The following MED12L variants were observed in gnomAD, a reference collection of about 807,000 sequenced individuals.
MED12L encodes the protein mediator of RNA polymerase II transcription subunit 12-like protein.
In MED12L, 60 loss-of-function variants were observed where a neutral mutation model predicts 281.3. That is an observed-to-expected ratio of 0.21 (90% CI 0.17 to 0.26). The LOEUF is 0.26. MED12L is among the 10% of genes least tolerant of loss of function. MED12L has a pLI of 1.00. For synonymous variants in MED12L, 974 were observed against 987.2 expected (o/e 0.99, Z 0.25); for missense variants, 2,146 against 2,680.9 (o/e 0.80, Z 4.41).
At chr3:151,276,175 A>C (rs1741821897) in intron 16 of MED12L, among the ~76,000 whole-genome samples, 1 of 152,238 alleles carries the variant, frequency 6.6e-6, no homozygotes, top group Non-Finnish European at 1.5e-5. Context: ...TGTGCAACAG[A>C]ATTACCTGGA....
At chr3:151,409,218 A>G in intron 39 of MED12L, 25 bp from the exon 40 acceptor site, 1 of 1,567,708 alleles carries the variant, frequency 6.4e-7, no homozygotes, top group East Asian at 2.2e-5. Context: ...TATGATCAAG[A>G]GTTTGCTTTG....
At chr3:151,365,519 G>T (rs1328229365) in intron 22 of MED12L, among the ~76,000 whole-genome samples, 1 of 151,922 alleles carries the variant, frequency 6.6e-6, no homozygotes, top group African/African-American at 2.4e-5. Context: ...CCGTATTTGG[G>T]TCCACCTAAA....
chr3:151,142,633 A>G (rs1717213717), intron 5 of MED12L, among the ~76,000 whole-genome samples: 1 of 152,110 alleles, frequency 6.6e-6, no homozygotes, highest in Non-Finnish European at 1.5e-5. Context: ...ATGTATTTTT[A>G]AGTGTAGATT....
intron 16 of MED12L, among the ~76,000 whole-genome samples, chr3:151,313,020 C>A (rs986405559): frequency 1.3e-5 from 2 of 152,168 alleles, no homozygotes; most frequent in South Asian, 4.1e-4. Flanking sequence ...ACTTGGAATA[C>A]AATATACTTG....
At chr3:151,375,029 T>C (rs1756656964) in intron 27 of MED12L, among the ~76,000 whole-genome samples, 1 of 152,264 alleles carries the variant, frequency 6.6e-6, no homozygotes, top group South Asian at 2.1e-4. Flanking sequence ...AGGCATGTTA[T>C]AACTATGGTA....
chr3:151,410,076 C>T (rs1338123555), intron 40 of MED12L, among the ~76,000 whole-genome samples: 1 of 152,166 alleles, frequency 6.6e-6, no homozygotes, highest in African/African-American at 2.4e-5. Flanking sequence ...AACTTACTAG[C>T]TGTGTGACAT....
chr3:151,188,360 G>T lies in MED12L; in HGVS notation c.1633G>T (p.Gly545Cys). 6.3e-7 allele frequency: 1 copy of T among 1,599,780 alleles called. No homozygotes were observed. Among genetic ancestry groups the T allele is most frequent in the South Asian group, 1.1e-5 (1 of 90,702 alleles). ...ATTTATTTTTAATCTGTAGAGATGT[G>T]GTGAATCAGAAGTCTTAGATGAGAA... is the stretch of plus-strand genomic sequence containing the variant. ...RQAEIEAERC[G>C]ESEVLDEKES... is the part of the protein sequence containing the mutation. Residue 545 changes from glycine to cysteine, a missense_variant, in exon 13 of 45, where the codon GGT becomes TGT. Around this residue, in one of 9 missense-constraint regions of MED12L, gnomAD observed 722 missense variants for 861.2 expected, o/e 0.84. Coordinates refer to ENST00000687756, the MANE Select transcript of MED12L (RefSeq NM_001393769.1).
chr3:151,425,541 A>G, intron 43 of MED12L: 1 of 425,148 alleles, frequency 2.4e-6, no homozygotes, highest in Non-Finnish European at 4.8e-6. Flanking sequence ...GCTGGGAACT[A>G]CAGTAAATAC....
intron 16 of MED12L, among the ~76,000 whole-genome samples, chr3:151,276,623 C>A (rs1429157130): frequency 6.6e-6 from 1 of 152,164 alleles, no homozygotes; most frequent in Non-Finnish European, 1.5e-5. Flanking sequence ...GAGCCTTAGG[C>A]TTAGGGAAGC....
intron 16 of MED12L, among the ~76,000 whole-genome samples, chr3:151,207,847 G>A (rs1391264815): frequency 6.6e-6 from 1 of 152,200 alleles, no homozygotes; most frequent in Non-Finnish European, 1.5e-5. Flanking sequence ...AGAGGAGACT[G>A]AGGTTTTAGT....
chr3:151,246,148 A>G (rs969212576), intron 16 of MED12L, among the ~76,000 whole-genome samples: 2 of 152,228 alleles, frequency 1.3e-5, no homozygotes, highest in African/African-American at 2.4e-5. Context: ...AGAACATTCC[A>G]TGCTCATGGG....
chr3:151,165,897 GT>G lies in MED12L; in HGVS notation c.1413del (p.Phe471LeufsTer37). 6.2e-7 allele frequency: 1 copy of G among 1,614,106 alleles called. No homozygotes were observed. Among genetic ancestry groups the G allele is most frequent in the Non-Finnish European group, 8.5e-7 (1 of 1,179,968 alleles). On this transcript the variant is annotated frameshift_variant, in exon 11 of 45. Coordinates refer to ENST00000687756, the MANE Select transcript of MED12L (RefSeq NM_001393769.1). LOFTEE classifies it high-confidence loss of function. ...LHTLEVLDRH[C>X]FDRTDSSNSM... ...ACGTTGGAAGTTTTGGATCGTCACT[GT>G]TTTGACCGAACTGATTCCAGCAATT...
At chr3:151,158,210 A>G (rs757189575) in intron 6 of MED12L, among the ~76,000 whole-genome samples, 3 of 152,146 alleles carry the variant, frequency 2.0e-5, no homozygotes, top group African/African-American at 4.8e-5. Context: ...TTAAGGTTGT[A>G]TTTTATAGAT....
chr3:151,361,260 T>C (rs1754579240), intron 21 of MED12L, among the ~76,000 whole-genome samples: 2 of 152,178 alleles, frequency 1.3e-5, no homozygotes, highest in African/African-American at 4.8e-5. Flanking sequence ...ACAATTTTGC[T>C]GTTTAGCAGG....
At chr3:151,098,147 A>T (rs937213664) in intron 2 of MED12L, among the ~76,000 whole-genome samples, 1 of 152,122 alleles carries the variant, frequency 6.6e-6, no homozygotes, top group African/African-American at 2.4e-5. Context: ...AGTCATGGGG[A>T]TCTTTACTTT....
intron 30 of MED12L, 29 bp from the exon 31 acceptor site, chr3:151,377,983 T>G: frequency 6.4e-7 from 1 of 1,556,016 alleles, no homozygotes; most frequent in Non-Finnish European, 8.7e-7. Flanking sequence ...GGATGCTTTC[T>G]CCGGTGTAAC....
chr3:151,424,577 C>T (rs1271281647), intron 43 of MED12L, among the ~76,000 whole-genome samples: 1 of 151,948 alleles, frequency 6.6e-6, no homozygotes, highest in Non-Finnish European at 1.5e-5. Context: ...GCCGAGATTG[C>T]GCCACTGCAC....
intron 16 of MED12L, among the ~76,000 whole-genome samples, chr3:151,229,510 A>T (rs1276529977): frequency 9.6e-6 from 1 of 104,386 alleles, no homozygotes; most frequent in Non-Finnish European, 1.8e-5. Flanking sequence ...ACGGAGTCTC[A>T]CTTTGTCGCC....
chr3:151,269,531 G>C (rs1324099301), intron 16 of MED12L: 1 of 300,114 alleles, frequency 3.3e-6, no homozygotes, highest in Admixed American at 4.3e-5. Flanking sequence ...TTTTGGAAGA[G>C]GTCAAAATTG....
Sources: gnomAD v4.1 joint callset for allele counts (sites outside exome capture counted in the v4.1 genomes callset) on GRCh38, gnomAD v4.1.1 for gene constraint, gnomAD v4.1.1 regional missense constraint, MANE v1.5 for transcripts, NCBI Gene and HGNC (gene_info 2026-07-23, HGNC 2026-07-21) for gene names.